Variants in PODXL observed in about 807,000 individuals in gnomAD.
The protein encoded by PODXL is podocalyxin like.
In PODXL, 20 loss-of-function variants were observed where a neutral mutation model predicts 48.9. The ratio of observed to expected loss-of-function variants is 0.41; its 90% confidence interval spans 0.29 to 0.59. PODXL has a LOEUF of 0.59. Ranked by LOEUF, PODXL falls within the 20% of genes least tolerant of loss-of-function variation. PODXL has a pLI of 0.31. For synonymous variants in PODXL, 295 were observed against 287.4 expected (o/e 1.03, Z -0.27); for missense variants, 606 against 675.1 (o/e 0.90, Z 1.13).
At chr7:131,504,603 C>G in intron 8 of PODXL, 95 bp from the exon 9 acceptor site, 1 of 1,041,934 alleles carries the variant, frequency 9.6e-7, no homozygotes, top group Non-Finnish European at 1.5e-6. Flanking sequence ...AGGAGCCCCA[C>G]TGTAGCTAAA....
intron 1 of PODXL, among the ~76,000 whole-genome samples, chr7:131,536,969 A>G (rs1798385446): frequency 6.6e-6 from 1 of 152,054 alleles, no homozygotes; most frequent in Non-Finnish European, 1.5e-5. Context: ...TACTAAAAAT[A>G]CAAAAATGAG....
intron 1 of PODXL, among the ~76,000 whole-genome samples, chr7:131,548,165 C>CTTCCTGAGAGCTGTGT (rs1386563473): frequency 2.6e-5 from 4 of 152,240 alleles, no homozygotes; most frequent in Non-Finnish European, 5.9e-5. Flanking sequence ...TGGGACCAGG[C>CTTCCTGAGAGCTGTGT]TTCCTGAGAG....
At chr7:131,547,246 G>A (rs1285883501) in intron 1 of PODXL, among the ~76,000 whole-genome samples, 2 of 151,936 alleles carry the variant, frequency 1.3e-5, no homozygotes, top group African/African-American at 4.8e-5. Flanking sequence ...GGTGGTGCAT[G>A]CCTGTAATTC....
Position 131,504,136 on chromosome 7 carries a change from AGAATGTGATT to A in PODXL, c.*165_*174del. On this transcript the variant is annotated 3_prime_UTR_variant, in exon 9 of 9. Transcript: ENST00000378555. Reference sequence around the variant, plus strand: ...GTTATTTTACAAGAGGAATCTGGACAGAATGTGATTTGTTCAGGTTGAAAAGGGAAAAATT... The same window carrying A: ...GTTATTTTACAAGAGGAATCTGGACATGTTCAGGTTGAAAAGGGAAAAATT... 1 of 604,850 alleles carries A rather than the reference AGAATGTGATT, an allele frequency of 1.7e-6. No homozygotes were observed. Among genetic ancestry groups the A allele is most frequent in the African/African-American group, 1.8e-5 (1 of 54,068 alleles). 37.5% of individuals were successfully genotyped at this position (604,850 alleles called of 1,614,324 possible). A position where few individuals can be genotyped will look rare whatever the true frequency, so the allele number is the denominator to read the frequency against.
Position 131,537,622 on chromosome 7 carries a change from T to C in PODXL, c.100+18638A>G, listed in dbSNP as rs1232123887. 4.5e-5 allele frequency among the ~76,000 whole-genome samples: 5 copies of C among 110,236 alleles called. No individual in the cohort carries two copies. The East Asian group carries it at 1.6e-3, about 36-fold the overall frequency. The allele number at this position is 110,236 out of a possible 152,430, so 72.3% of individuals were successfully genotyped here. On this transcript the variant is annotated intron_variant, in intron 1 of 8. Transcript: ENST00000378555. ...CACCCCACCCCCCCAAAAAGGTGCA[T>C]ATCACAAGTGTACAGCTTGATGAAT...
chr7:131,529,367 G>A (rs1013076231), intron 1 of PODXL, among the ~76,000 whole-genome samples: 2 of 152,122 alleles, frequency 1.3e-5, no homozygotes, highest in African/African-American at 2.4e-5. Flanking sequence ...CTGCTCCCCT[G>A]GGGTGGGAAG....
At chr7:131,544,291 T>A (rs1302303719) in intron 1 of PODXL, among the ~76,000 whole-genome samples, 6 of 152,198 alleles carry the variant, frequency 3.9e-5, no homozygotes. Flanking sequence ...CACATGGACA[T>A]GATTGCCCTA....
At chr7:131,506,798 C>T in intron 5 of PODXL, 72 bp from the exon 6 acceptor site, 23 of 1,515,878 alleles carry the variant, frequency 1.5e-5, no homozygotes, top group Non-Finnish European at 2.0e-5. Context: ...GCTGCCCTCC[C>T]AGCTAAGGTC....
chr7:131,544,935 A>C (rs1047428684), intron 1 of PODXL, among the ~76,000 whole-genome samples: 1 of 152,180 alleles, frequency 6.6e-6, no homozygotes, highest in Non-Finnish European at 1.5e-5. Context: ...AGCCACTATG[A>C]CAGTGCTGGC....
chr7:131,551,049 G>A (rs969750572), intron 1 of PODXL, among the ~76,000 whole-genome samples: 7 of 152,166 alleles, frequency 4.6e-5, no homozygotes, highest in Admixed American at 1.3e-4. Context: ...GCAGGCTGCC[G>A]ACTCGAAGCA....
chr7:131,525,897 G>T (rs1189247004), intron 1 of PODXL, among the ~76,000 whole-genome samples: 2 of 152,214 alleles, frequency 1.3e-5, no homozygotes, highest in African/African-American at 4.8e-5. Flanking sequence ...CTAGCCCTGT[G>T]ATGCTTGATG....
Position 131,510,976 on chromosome 7 carries a change from T to C in PODXL, c.558A>G (p.Pro186=). The change falls in exon 2 of 9, where the codon CCA becomes CCG. Residue 186 remains proline (P), a synonymous_variant. Transcript: ENST00000378555. ...TCGAAGTGGGTTGTCGGGGGCTAAGTGGACTTGTAGGGTGAGGGGTCGTCA... is the reference window on the plus strand; with the variant it reads ...TCGAAGTGGGTTGTCGGGGGCTAAGCGGACTTGTAGGGTGAGGGGTCGTCA... The part of the protein sequence containing the change: ...EHLTTPHPTS[P]LSPRQPTSTH... The C allele has an allele frequency of 6.2e-7, 1 of 1,614,042 alleles. No individual in the cohort carries two copies. The highest frequency in any genetic ancestry group is 8.5e-7 in the Non-Finnish European group (1 of 1,179,990).
intron 1 of PODXL, among the ~76,000 whole-genome samples, chr7:131,524,627 A>G (rs956072476): frequency 6.6e-6 from 1 of 152,204 alleles, no homozygotes; most frequent in African/African-American, 2.4e-5. Flanking sequence ...CAAATGCTAA[A>G]CAGGATCTCT....
intron 1 of PODXL, among the ~76,000 whole-genome samples, chr7:131,530,173 G>A (rs1245478779): frequency 3.7e-5 from 1 of 27,224 alleles, no homozygotes; most frequent in African/African-American, 1.5e-4. Context: ...CAGCTCTCCA[G>A]GGCACACCTT....
At chr7:131,522,023 A>G (rs1233627432) in intron 1 of PODXL, among the ~76,000 whole-genome samples, 1 of 152,242 alleles carries the variant, frequency 6.6e-6, no homozygotes, top group Non-Finnish European at 1.5e-5. Context: ...CCGAACATCT[A>G]GGAAGAGGCA....
At chr7:131,524,521 C>T (rs1262990819) in intron 1 of PODXL, among the ~76,000 whole-genome samples, 1 of 152,130 alleles carries the variant, frequency 6.6e-6, no homozygotes, top group Non-Finnish European at 1.5e-5. Flanking sequence ...TGAAAAGATG[C>T]TCCTCATTAG....
intron 1 of PODXL, among the ~76,000 whole-genome samples, chr7:131,515,957 T>A (rs1181152984): frequency 6.6e-6 from 1 of 152,188 alleles, no homozygotes; most frequent in Admixed American, 6.5e-5. Flanking sequence ...GACTCTGACC[T>A]AGGAGAAGGC....
Position 131,520,558 on chromosome 7 carries a change from G to A in PODXL, c.101-9125C>T, listed in dbSNP as rs147054193. ...ATAAAGGTATAAAACCACAAAAAAG[G>A]GAAAAAAAATAAATTGAATAGGTAC... On this transcript the variant is annotated intron_variant, in intron 1 of 8. Transcript: ENST00000378555. 11 of 162,196 alleles carry A rather than the reference G, an allele frequency of 6.8e-5. No individual in the cohort carries two copies. The East Asian group carries it at 2.0e-3, about 30-fold the overall frequency. The allele number at this position is 162,196 out of a possible 1,614,324, so 10.0% of individuals were successfully genotyped here.
Position 131,549,023 on chromosome 7 carries a change from A to G in PODXL, c.100+7237T>C, listed in dbSNP as rs58019065. Reference sequence around the variant, plus strand: ...TTCTAGGTGCTGTGGCTACAGCACAATGGAAGTCCCTGCCCTCATGGAACT... The same window carrying G: ...TTCTAGGTGCTGTGGCTACAGCACAGTGGAAGTCCCTGCCCTCATGGAACT... On this transcript the variant is annotated intron_variant, in intron 1 of 8. Transcript: ENST00000378555. 5.8e-3 allele frequency among the ~76,000 whole-genome samples: 884 copies of G among 152,364 alleles called. 4 individuals are homozygous for G. Among genetic ancestry groups the G allele is most frequent in the African/African-American group, 0.02 (838 of 41,584 alleles).
Sources: gnomAD v4.1 joint callset for allele counts (sites outside exome capture counted in the v4.1 genomes callset) on GRCh38, gnomAD v4.1.1 for gene constraint, MANE v1.5 for transcripts, NCBI Gene and HGNC (gene_info 2026-07-23, HGNC 2026-07-21) for gene names.